NID1: variants seen among roughly 807,000 people sequenced by gnomAD.
NID1 encodes nidogen 1.
A neutral mutation model predicts 130.6 loss-of-function variants in NID1; 76 were observed. That is an observed-to-expected ratio of 0.58 (90% CI 0.48 to 0.70). NID1 has a LOEUF of 0.70. Ranked by LOEUF, NID1 falls within the 30% of genes least tolerant of loss-of-function variation. The pLI is 0.00. For missense variants in NID1, 1,517 were observed against 1,664.8 expected (o/e 0.91, Z 1.54); for synonymous variants, 665 against 675.1 (o/e 0.98, Z 0.23).
intron 10 of NID1, among the ~76,000 whole-genome samples, chr1:236,015,691 G>A (rs1345197452): frequency 6.6e-6 from 1 of 150,776 alleles, no homozygotes; most frequent in African/African-American, 2.4e-5. Context: ...TCAGGGGAGA[G>A]GACAAGAGCC....
chr1:236,063,479 A>AAAT lies in NID1; in HGVS notation c.225+1375_225+1376insATT, dbSNP rs1553351286. ...AGAGAGAGACTCTGTCTCAAAAAAA[A>AAAT]AAATAAATAAATAAATAAATAAATA... On this transcript the variant is annotated intron_variant, in intron 1 of 19. Coordinates refer to ENST00000264187, the MANE Select transcript of NID1 (RefSeq NM_002508.3). Among the ~76,000 whole-genome samples, 747 of 148,432 alleles carry AAAT rather than the reference A, an allele frequency of 5.0e-3. 7 individuals carry two copies. Among genetic ancestry groups the AAAT allele is most frequent in the Non-Finnish European group, 8.0e-3 (539 of 67,580 alleles).
intron 10 of NID1, among the ~76,000 whole-genome samples, chr1:236,016,259 A>G (rs1488451070): frequency 6.6e-6 from 1 of 152,148 alleles, no homozygotes; most frequent in African/African-American, 2.4e-5. Flanking sequence ...TCAAAATATG[A>G]GAACTGCCTG....
intron 1 of NID1, among the ~76,000 whole-genome samples, chr1:236,050,847 G>T (rs1459142833): frequency 6.6e-6 from 1 of 152,212 alleles, no homozygotes; most frequent in Admixed American, 6.5e-5. Context: ...GGAAGCGGAG[G>T]TGGGTGGATC....
chr1:236,046,518 G>T (rs1659605895), intron 2 of NID1, among the ~76,000 whole-genome samples: 2 of 151,870 alleles, frequency 1.3e-5, no homozygotes, highest in Admixed American at 1.3e-4. Context: ...CAGTCTGAAT[G>T]AACAAGCAGG....
chr1:236,046,434 G>A (rs930243290), intron 2 of NID1, among the ~76,000 whole-genome samples: 19 of 152,182 alleles, frequency 1.2e-4, no homozygotes, highest in African/African-American at 3.4e-4. Context: ...AAGAGGAAGC[G>A]TCCCATGCCA....
intron 14 of NID1, among the ~76,000 whole-genome samples, chr1:235,988,213 A>G (rs1335258329): frequency 6.6e-6 from 1 of 152,242 alleles, no homozygotes; most frequent in Non-Finnish European, 1.5e-5. Flanking sequence ...AGAACTGATC[A>G]AAAAATAGGC....
At chr1:235,989,885 G>C (rs1034818304) in intron 14 of NID1, among the ~76,000 whole-genome samples, 7 of 152,246 alleles carry the variant, frequency 4.6e-5, no homozygotes, top group African/African-American at 1.7e-4. Flanking sequence ...GGGCCAGAGG[G>C]TTGAAGTTGG....
chr1:235,980,373 T>C, intron 17 of NID1, 123 bp downstream of exon 17: 1 of 944,510 alleles, frequency 1.1e-6, no homozygotes, highest in South Asian at 1.7e-5. Flanking sequence ...GTAAAAACCA[T>C]TCATAGCTTC....
In NID1 at chr1:236,013,503, A is replaced by G. The variant is rs1460280894; in HGVS notation, c.2312T>C (p.Ile771Thr). Residue 771 changes from isoleucine to threonine, a missense_variant, in exon 11 of 20, where the codon ATA (isoleucine) becomes ACA (threonine). By Grantham distance (89) the Ile-to-Thr change is moderately conservative (BLOSUM62 -1). This residue lies in a region of NID1 where 1,329 missense variants were observed against 1,429.2 expected (regional missense o/e 0.93). Coordinates refer to ENST00000264187, the MANE Select transcript of NID1 (RefSeq NM_002508.3). Reference protein sequence around the residue: ...YCETGLHNCDIPQRAQCIYTG... With the variant: ...YCETGLHNCDTPQRAQCIYTG... ...GTAGATACACTGGGCCCGCTGGGGT[A>G]TGTCGCAGTTATGAAGGCCAGTTTC... 6.2e-7 allele frequency: 1 copy of G among 1,613,048 alleles called. No homozygotes were observed. The highest frequency in any genetic ancestry group is 8.5e-7 in the Non-Finnish European group (1 of 1,179,680).
chr1:236,001,440 C>T (rs72765421), intron 12 of NID1, among the ~76,000 whole-genome samples: 3,988 of 152,236 alleles, frequency 0.026, 91 homozygotes, highest in Middle Eastern at 0.061. Flanking sequence ...AGCCCCATCT[C>T]ATTCACTGCC....
chr1:236,013,459 T>G lies in NID1; in HGVS notation c.2356A>C (p.Thr786Pro). Residue 786 changes from threonine to proline, a missense_variant, in exon 11 of 20, where the codon ACC becomes CCC. This residue lies in a region of NID1 where 1,329 missense variants were observed against 1,429.2 expected (regional missense o/e 0.93). Transcript: ENST00000264187. Reference protein sequence around the residue: ...QCIYTGGSSYTCSCLPGFSGD... With the variant: ...QCIYTGGSSYPCSCLPGFSGD... ...GAAAAGCCTGGCAAGCAGGAACAGGTGTAGGAGGAGCCTCCTGTGTAGATA... is the reference window on the plus strand; with the variant it reads ...GAAAAGCCTGGCAAGCAGGAACAGGGGTAGGAGGAGCCTCCTGTGTAGATA... 1 of 1,613,980 alleles carries G rather than the reference T, an allele frequency of 6.2e-7. No homozygotes were observed. The highest frequency in any genetic ancestry group is 2.2e-5 in the East Asian group (1 of 44,862).
chr1:236,030,863 A>G (rs1396002811), intron 6 of NID1, among the ~76,000 whole-genome samples: 1 of 152,234 alleles, frequency 6.6e-6, no homozygotes, highest in African/African-American at 2.4e-5. Context: ...AAGTCCATGT[A>G]TATTACAAAA....
rs765433517 is a variant in NID1 at position 236,032,434 on chromosome 1, G to C, written c.1504C>G (p.Gln502Glu). The change falls in exon 6 of 20, where the codon CAG becomes GAG. Residue 502 changes from glutamine (Q) to glutamate (E), a missense_variant. This residue lies in a region of NID1 where 1,329 missense variants were observed against 1,429.2 expected (regional missense o/e 0.93). Transcript: ENST00000264187. ...CTGAACCCATTCTTGAATCCGTCCT[G>C]CTCCACTGCAAACATCCATCCAATG... The part of the protein sequence containing the change: ...GIIGWMFAVE[Q>E]DGFKNGFSIT... 31 of 1,613,944 alleles carry C rather than the reference G, an allele frequency of 1.9e-5. No individual in the cohort carries two copies. Among genetic ancestry groups the C allele is most frequent in the Middle Eastern group, 3.3e-4 (2 of 6,048 alleles).
intron 7 of NID1, among the ~76,000 whole-genome samples, chr1:236,028,794 C>T (rs945137514): frequency 6.6e-6 from 1 of 151,890 alleles, no homozygotes. Context: ...AGTATGTGAA[C>T]GTTTTTTGGG....
At chr1:236,005,602 G>C (rs556750784) in intron 12 of NID1, among the ~76,000 whole-genome samples, 35 of 152,178 alleles carry the variant, frequency 2.3e-4, no homozygotes, top group African/African-American at 8.4e-4. Context: ...TATTACTTTA[G>C]TATTACCCCT....
In NID1 at chr1:235,981,626, G is replaced by A. The variant is rs533832624; in HGVS notation, c.3212C>T (p.Thr1071Met). The A allele has an allele frequency of 2.5e-5, 40 of 1,612,760 alleles. No homozygotes were observed. The highest frequency in any genetic ancestry group is 5.5e-5 in the South Asian group (5 of 90,734). ...ACAAAGATACCCTCTCACGGAATCC[G>A]TTACAATGCCTCTGGGATTCACCAA... ...TDLVNPRGIV[T>M]DSVRGNLYWT... Residue 1071 changes from threonine to methionine, a missense_variant, in exon 16 of 20, where the codon ACG becomes ATG. Physicochemically the swap from Thr to Met is moderately conservative, Grantham distance 81. Coordinates refer to ENST00000264187, the MANE Select transcript of NID1 (RefSeq NM_002508.3).
rs536401711 is a variant in NID1, at chr1:236,017,275, T to C, written c.2129-2A>G. 5 of 1,613,440 alleles carry C rather than the reference T, an allele frequency of 3.1e-6. No individual in the cohort carries two copies. In the African/African-American group the frequency reaches 6.7e-5, roughly 22 times the overall value. ...GTTGTTCTGAACATTCATCAATATC[T>C]GCAGCAAAAATTTTTTTTTACTGCA... is the stretch of plus-strand genomic sequence containing the variant. On this transcript the variant is annotated splice_acceptor_variant, in intron 9 of 19. Transcript: ENST00000264187. LOFTEE classifies it high-confidence loss of function.
At chr1:236,037,773 A>T (rs927382564) in intron 5 of NID1, among the ~76,000 whole-genome samples, 2 of 152,188 alleles carry the variant, frequency 1.3e-5, no homozygotes, top group Admixed American at 1.3e-4. Flanking sequence ...GACATAAACA[A>T]TTCTTTGTCC....
intron 8 of NID1, among the ~76,000 whole-genome samples, chr1:236,024,957 CT>C (rs1331417881): frequency 0.017 from 2,440 of 145,124 alleles, 24 homozygotes; most frequent in East Asian, 0.023. Flanking sequence ...ATTTCTTTTT[CT>C]TTTTTTTTTT....
Sources: gnomAD v4.1 joint callset for allele counts (sites outside exome capture counted in the v4.1 genomes callset) on GRCh38, gnomAD v4.1.1 for gene constraint, gnomAD v4.1.1 regional missense constraint, MANE v1.5 for transcripts, NCBI Gene and HGNC (gene_info 2026-07-23, HGNC 2026-07-21) for gene names.